SAMD12: variants seen among roughly 807,000 people sequenced by gnomAD.
The protein encoded by SAMD12 is sterile alpha motif domain-containing protein 12.
SAMD12 carries 9 observed loss-of-function variants against 15.0 expected under a neutral mutation model. The ratio of observed to expected loss-of-function variants is 0.60; its 90% confidence interval spans 0.36 to 1.05. The LOEUF (loss-of-function observed/expected upper bound fraction) is 1.05. Among genes scored for constraint, SAMD12 ranks in the 50% least tolerant of loss-of-function variants. The pLI is 0.01. For missense variants in SAMD12, 230 were observed against 234.2 expected (o/e 0.98, Z 0.12); for synonymous variants, 86 against 90.1 (o/e 0.96, Z 0.25).
intron 2 of SAMD12, among the ~76,000 whole-genome samples, chr8:118,521,238 G>A (rs1825380651): frequency 6.6e-6 from 1 of 152,104 alleles, no homozygotes; most frequent in Admixed American, 6.6e-5. Context: ...TCTCTACCCA[G>A]CACTCACTGT....
intron 3 of SAMD12, among the ~76,000 whole-genome samples, chr8:118,433,353 G>A (rs562554026): frequency 6.6e-6 from 1 of 151,958 alleles, no homozygotes; most frequent in East Asian, 1.9e-4. Context: ...ATCAGGAATG[G>A]AGCTGGTATT....
chr8:118,215,571 G>A (rs1473601615), intron 4 of SAMD12, among the ~76,000 whole-genome samples: 2 of 151,780 alleles, frequency 1.3e-5, no homozygotes, highest in Admixed American at 6.6e-5. Context: ...CCACTAACTC[G>A]TCATCTAGCA....
At chr8:118,364,758 AATGTGGT>A (rs1818682604) in intron 4 of SAMD12, among the ~76,000 whole-genome samples, 1 of 152,098 alleles carries the variant, frequency 6.6e-6, no homozygotes, top group Non-Finnish European at 1.5e-5. Flanking sequence ...GGGGGAGGAG[AATGTGGT>A]GAAGAGGAGT....
At chr8:118,150,171 T>C in the SAMD12 span, among the ~76,000 whole-genome samples, 1 of 152,192 alleles carries the variant, frequency 6.6e-6, no homozygotes, top group Non-Finnish European at 1.5e-5. Context: ...AGTTATCTAG[T>C]TCCAAATGTC....
chr8:118,535,423 C>T (rs564686060), intron 2 of SAMD12, among the ~76,000 whole-genome samples: 42 of 152,350 alleles, frequency 2.8e-4, no homozygotes, highest in African/African-American at 8.2e-4. Context: ...GCAGTCTGCC[C>T]GTTCTCAGAT....
rs1402051227 is a variant in SAMD12 at position 118,439,969 on chromosome 8, T to C, written c.193-8A>G. 2 of 1,613,384 alleles carry C rather than the reference T, an allele frequency of 1.2e-6. No individual in the cohort carries two copies. Among genetic ancestry groups the C allele is most frequent in the Non-Finnish European group, 1.7e-6 (2 of 1,179,506 alleles). On this transcript the variant is annotated splice_polypyrimidine_tract_variant and splice_region_variant and intron_variant, in intron 2 of 3. Coordinates refer to ENST00000314727, the MANE Select transcript of SAMD12 (RefSeq NM_207506.3). Reference sequence around the variant, plus strand: ...TAGCTTCACCGTAGCTGACTATAAATAAAGAAGGAAGATCTGTCAATGCTG... The same window carrying C: ...TAGCTTCACCGTAGCTGACTATAAACAAAGAAGGAAGATCTGTCAATGCTG...
chr8:118,300,010 G>C (rs1005007911), intron 4 of SAMD12, among the ~76,000 whole-genome samples: 2 of 151,466 alleles, frequency 1.3e-5, no homozygotes, highest in African/African-American at 2.4e-5. Flanking sequence ...TTGTACAAAG[G>C]CTTATTCCTT....
intron 2 of SAMD12, among the ~76,000 whole-genome samples, chr8:118,467,541 C>A (rs1043209442): frequency 6.6e-6 from 1 of 152,196 alleles, no homozygotes; most frequent in Non-Finnish European, 1.5e-5. Flanking sequence ...CCCTGCAGAA[C>A]ATGTGGCCAT....
At chr8:118,157,304 T>G in the SAMD12 span, among the ~76,000 whole-genome samples, 1 of 152,126 alleles carries the variant, frequency 6.6e-6, no homozygotes, top group Non-Finnish European at 1.5e-5. Flanking sequence ...GCGGGTAACT[T>G]AATCTCTCCA....
chr8:118,596,798 G>C (rs1257618050), intron 1 of SAMD12, among the ~76,000 whole-genome samples: 2 of 152,166 alleles, frequency 1.3e-5, no homozygotes, highest in African/African-American at 4.8e-5. Context: ...ATCAGATGTG[G>C]TCCATGCCTA....
chr8:118,460,856 C>A (rs1823396719), intron 2 of SAMD12, among the ~76,000 whole-genome samples: 1 of 152,116 alleles, frequency 6.6e-6, no homozygotes, highest in South Asian at 2.1e-4. Flanking sequence ...TGAAACGGAC[C>A]CATTTCTATG....
chr8:118,505,818 C>T (rs1338269585), intron 2 of SAMD12, among the ~76,000 whole-genome samples: 2 of 152,040 alleles, frequency 1.3e-5, no homozygotes, highest in African/African-American at 4.8e-5. Context: ...ATTACTAGAA[C>T]TCTCCACATC....
chr8:118,412,894 C>G lies in SAMD12; in HGVS notation c.322+26938G>C, dbSNP rs149993061. On this transcript the variant is annotated intron_variant, in intron 3 of 3. Coordinates refer to ENST00000314727, the MANE Select transcript of SAMD12 (RefSeq NM_207506.3). ...GAATATGCTTGGCAGTGGGGTGGTA[C>G]TGGGGCCCTAGCTATGTGACATGCT... Among the ~76,000 whole-genome samples the G allele has an allele frequency of 3.8e-3, 574 of 152,186 alleles. 2 individuals are homozygous for G. The highest frequency in any genetic ancestry group is 0.013 in the African/African-American group (537 of 41,488).
chr8:118,459,052 A>C (rs374164029), intron 2 of SAMD12, among the ~76,000 whole-genome samples: 24 of 132,498 alleles, frequency 1.8e-4, no homozygotes, highest in African/African-American at 6.3e-4. Flanking sequence ...TCTGCTACCC[A>C]GGAAAGGTAT....
At chr8:118,485,529 A>T in intron 2 of SAMD12, among the ~76,000 whole-genome samples, 1 of 152,186 alleles carries the variant, frequency 6.6e-6, no homozygotes, top group East Asian at 1.9e-4. Context: ...CTTTCTATAA[A>T]CTTCATTCTG....
Position 118,334,970 on chromosome 8 carries a change from C to T in SAMD12, c.433+44590G>A, listed in dbSNP as rs532696470. Among the ~76,000 whole-genome samples, 58 of 152,256 alleles carry T rather than the reference C, an allele frequency of 3.8e-4. 1 individual carries two copies. Among genetic ancestry groups the T allele is most frequent in the Middle Eastern group, 3.4e-3 (1 of 294 alleles). ...GAAAATTATTCTAACATTTTCTCAGCGAGTCCCACTTCCCAAACACGTGGT... is the reference window on the plus strand; with the variant it reads ...GAAAATTATTCTAACATTTTCTCAGTGAGTCCCACTTCCCAAACACGTGGT... On this transcript the variant is annotated intron_variant, in intron 4 of 4. Transcript: ENST00000409003.
At chr8:118,167,379 G>C in the SAMD12 span, among the ~76,000 whole-genome samples, 13,441 of 152,072 alleles carry the variant, frequency 0.088, 1,421 homozygotes, top group African/African-American at 0.25. Flanking sequence ...TGGGCCTGGC[G>C]TGTTACAATC....
In SAMD12 at chr8:118,261,017, A is replaced by T. The variant is rs536973449; in HGVS notation, c.434-63285T>A. 7.2e-5 allele frequency among the ~76,000 whole-genome samples: 11 copies of T among 152,218 alleles called. No homozygotes were observed. In the South Asian group the frequency reaches 2.3e-3, roughly 32 times the overall value. ...TCATTTTAGTATTCCAGTCTCTAAC[A>T]AAGTGCCTGGCCCAGGGAAGATGCT... On this transcript the variant is annotated intron_variant, in intron 4 of 4. Coordinates refer to the SAMD12 transcript ENST00000409003.
chr8:118,536,091 T>A (rs1214089859), intron 2 of SAMD12, among the ~76,000 whole-genome samples: 1 of 152,180 alleles, frequency 6.6e-6, no homozygotes, highest in African/African-American at 2.4e-5. Context: ...TCTTGGAACC[T>A]CCCCTGTACC....
Sources: allele counts gnomAD v4.1 joint callset (sites outside exome capture counted in the v4.1 genomes callset), GRCh38; gene constraint gnomAD v4.1.1; transcripts MANE v1.5; gene names NCBI Gene and HGNC (gene_info 2026-07-23, HGNC 2026-07-21).